Variants in ALLC observed in about 807,000 individuals in gnomAD.
ALLC encodes allantoicase.
In ALLC, 40 loss-of-function variants were observed where a neutral mutation model predicts 45.0. That is an observed-to-expected ratio of 0.89 (90% confidence interval 0.69 to 1.16). ALLC has a LOEUF of 1.16. ALLC is among the 50% of genes most tolerant of loss of function. The pLI is 0.00. For synonymous variants in ALLC, 176 were observed against 178.1 expected (o/e 0.99, Z 0.09); for missense variants, 488 against 493.1 (o/e 0.99, Z 0.10).
At chr2:3,691,792 A>G (rs1476335119) in intron 7 of ALLC, among the ~76,000 whole-genome samples, 2 of 152,094 alleles carry the variant, frequency 1.3e-5, no homozygotes, top group Non-Finnish European at 2.9e-5. Context: ...TCTTGTAAGC[A>G]ATCTTTATTC....
Position 3,678,598 on chromosome 2 carries a change from A to G in ALLC, c.172+43A>G. 3 of 1,548,158 alleles carry G rather than the reference A, an allele frequency of 1.9e-6. No individual in the cohort carries two copies. The South Asian group carries it at 3.4e-5, about 17-fold the overall frequency. On this transcript the variant is annotated intron_variant, in intron 4 of 11. Transcript: ENST00000252505. The stretch of plus-strand genomic sequence containing the variant: ...TTCATCGAAGTGCAGCTGACACTGC[A>G]AAGTTAAAAACGCAGGCTGTGGCAA...
At chr2:3,698,856 C>T (rs1342498871) in intron 10 of ALLC, among the ~76,000 whole-genome samples, 1 of 152,040 alleles carries the variant, frequency 6.6e-6, no homozygotes, top group Non-Finnish European at 1.5e-5. Flanking sequence ...TGGTGTGCTG[C>T]ACTGGGTGAG....
the ALLC span, among the ~76,000 whole-genome samples, chr2:3,648,472 C>G: frequency 5.8e-4 from 89 of 152,300 alleles, no homozygotes; most frequent in African/African-American, 2.1e-3. Flanking sequence ...GCATCCACTG[C>G]CCACAAAGCC....
At chr2:3,651,306 G>GT in the ALLC span, among the ~76,000 whole-genome samples, 1 of 5,172 alleles carries the variant, frequency 1.9e-4, no homozygotes, top group Admixed American at 2.6e-3. Flanking sequence ...TTGGGTGGGT[G>GT]GGTGGGTGGG....
chr2:3,691,254 C>CT lies in ALLC; in HGVS notation c.512-4450dup, dbSNP rs1159806601. Reference sequence around the variant, plus strand: ...GCTTTTAGGATATTTTTATCCTTGACTTTTTTTTTTTTTCTTGAGACAGGG... The same window carrying CT: ...GCTTTTAGGATATTTTTATCCTTGACTTTTTTTTTTTTTTCTTGAGACAGGG... On this transcript the variant is annotated intron_variant, in intron 7 of 11. Coordinates refer to ENST00000252505, the MANE Select transcript of ALLC (RefSeq NM_018436.4). Among the ~76,000 whole-genome samples the CT allele has an allele frequency of 1.7e-3, 243 of 143,650 alleles. 1 individual carries two copies. Among genetic ancestry groups the CT allele is most frequent in the East Asian group, 1.6e-3 (8 of 4,984 alleles). The allele number at this position is 143,650 out of a possible 152,430, so 94.2% of individuals were successfully genotyped here.
At chr2:3,688,737 T>G (rs937674301) in intron 7 of ALLC, 1 of 151,844 alleles carries the variant, frequency 6.6e-6, no homozygotes, top group African/African-American at 2.4e-5. Flanking sequence ...CACTCGATTT[T>G]GGGGGGGATC....
intron 6 of ALLC, 86 bp from the exon 7 acceptor site, chr2:3,682,856 C>A: frequency 7.1e-7 from 1 of 1,415,812 alleles, no homozygotes; most frequent in Non-Finnish European, 9.7e-7. Flanking sequence ...AAAGTATCTC[C>A]ACACCTTAAG....
intron 3 of ALLC, among the ~76,000 whole-genome samples, chr2:3,676,674 T>G (rs976894032): frequency 3.3e-5 from 5 of 152,220 alleles, no homozygotes; most frequent in African/African-American, 1.2e-4. Flanking sequence ...TGGCCCCCTT[T>G]CCTTGTTGAT....
chr2:3,649,831 C>T, the ALLC span, among the ~76,000 whole-genome samples: 642 of 152,362 alleles, frequency 4.2e-3, 2 homozygotes, highest in African/African-American at 0.015. Flanking sequence ...AGACAACCCA[C>T]GCAGACATGG....
At chr2:3,697,480 T>C in intron 10 of ALLC, 24 bp downstream of exon 10, 1 of 1,569,332 alleles carries the variant, frequency 6.4e-7, no homozygotes, top group Non-Finnish European at 8.8e-7. Context: ...CATAAAGAAG[T>C]ACCCTATAAT....
At chr2:3,647,620 G>A in the ALLC span, among the ~76,000 whole-genome samples, 16 of 151,716 alleles carry the variant, frequency 1.1e-4, no homozygotes, top group African/African-American at 3.4e-4. Flanking sequence ...ATGCCCCTGG[G>A]GGTCGCTCAC....
At chr2:3,659,863 G>A (rs1456745645) in intron 1 of ALLC, among the ~76,000 whole-genome samples, 1 of 152,232 alleles carries the variant, frequency 6.6e-6, no homozygotes, top group Non-Finnish European at 1.5e-5. Context: ...GAGAAACTTA[G>A]GAAAGACAAA....
At chr2:3,660,879 G>GGAATGAGTCAGGGTGAAGCAGGTGATCT (rs1558532919) in intron 1 of ALLC, among the ~76,000 whole-genome samples, 2 of 149,828 alleles carry the variant, frequency 1.3e-5, no homozygotes, top group Admixed American at 1.3e-4. Flanking sequence ...GCAGGTGATC[G>GGAATGAGTCAGGGTGAAGCAGGTGATCT]GAATGAGTCA....
At chr2:3,694,358 T>G (rs561437062) in intron 7 of ALLC, among the ~76,000 whole-genome samples, 2 of 151,864 alleles carry the variant, frequency 1.3e-5, no homozygotes, top group African/African-American at 4.8e-5. Flanking sequence ...GATCCAGGTG[T>G]AAAGGGAAAG....
intron 3 of ALLC, among the ~76,000 whole-genome samples, chr2:3,677,908 A>C (rs546410273): frequency 6.6e-6 from 1 of 152,006 alleles, no homozygotes; most frequent in East Asian, 1.9e-4. Flanking sequence ...ACTTCATGAC[A>C]CTCCTGCGAG....
the ALLC span, among the ~76,000 whole-genome samples, chr2:3,645,847 T>C: frequency 6.6e-6 from 1 of 151,490 alleles, no homozygotes; most frequent in Non-Finnish European, 1.5e-5. This position sits in a 1 kb window ranked among gnomAD's most constrained non-coding sequence, Gnocchi z 4.3. Flanking sequence ...TACATGTACA[T>C]TCCCTCCCAG....
Position 3,663,598 on chromosome 2 carries a change from C to G in ALLC, c.-63+5304C>G, listed in dbSNP as rs116382093. Among the ~76,000 whole-genome samples the G allele has an allele frequency of 4.8e-3, 726 of 151,460 alleles. 7 individuals are homozygous for G. The highest frequency in any genetic ancestry group is 0.017 in the African/African-American group (699 of 41,160). On this transcript the variant is annotated intron_variant, in intron 1 of 11. Transcript: ENST00000252505. ...CTTAAAAGTTGGAAAAAAAAAAAGA[C>G]TCTATGTCAGAAACAGTATCTGCCT... is the stretch of plus-strand genomic sequence containing the variant.
chr2:3,647,112 G>A, the ALLC span, among the ~76,000 whole-genome samples: 1 of 152,168 alleles, frequency 6.6e-6, no homozygotes, highest in Non-Finnish European at 1.5e-5. Context: ...CGCTGAGGTG[G>A]CCTTGAAATA....
At chr2:3,664,744 G>T (rs1403599346) in intron 1 of ALLC, among the ~76,000 whole-genome samples, 1 of 152,020 alleles carries the variant, frequency 6.6e-6, no homozygotes, top group Non-Finnish European at 1.5e-5. Flanking sequence ...ATATGGTTTG[G>T]TGTGGTGGTG....
Sources: allele counts gnomAD v4.1 joint callset (sites outside exome capture counted in the v4.1 genomes callset), GRCh38; gene constraint gnomAD v4.1.1; non-coding constraint Gnocchi (gnomAD v3.1); transcripts MANE v1.5; gene names NCBI Gene and HGNC (gene_info 2026-07-23, HGNC 2026-07-21).